NAV1: variants seen among roughly 807,000 people sequenced by gnomAD.
NAV1 encodes the protein neuron navigator 1.
NAV1 carries 18 observed loss-of-function variants against 175.2 expected under a neutral mutation model. The observed-to-expected ratio is 0.10, with a 90% confidence interval of 0.07 to 0.15. The LOEUF (loss-of-function observed/expected upper bound fraction) is 0.15. NAV1 is among the 10% of genes least tolerant of loss of function. The pLI, the probability that NAV1 is intolerant of heterozygous loss-of-function variation, is 1.00. For synonymous variants in NAV1, 897 were observed against 978.7 expected (o/e 0.92, Z 1.56); for missense variants, 1,731 against 2,436.6 (o/e 0.71, Z 6.10).
intron 1 of NAV1, among the ~76,000 whole-genome samples, chr1:201,624,468 C>A (rs970541084): frequency 6.6e-6 from 1 of 151,248 alleles, no homozygotes; most frequent in East Asian, 2.0e-4. Context: ...CTCAGCCTCC[C>A]AAGTAGCTGG....
intron 2 of NAV1, among the ~76,000 whole-genome samples, chr1:201,641,310 T>C (rs1225394291): frequency 2.0e-5 from 3 of 152,132 alleles, no homozygotes; most frequent in African/African-American, 4.8e-5. Context: ...CACCATCATC[T>C]CTCACTTGGG....
chr1:201,576,002 T>C lies in NAV1; in HGVS notation c.-143-12537T>C, dbSNP rs115889860. The stretch of plus-strand genomic sequence containing the variant: ...TGTAAGAAACACCACAAAGGGATCC[T>C]GGATACCCTTTACCCAGCTTCCCCC... On this transcript the variant is annotated intron_variant, in intron 1 of 33. Transcript: ENST00000685211. Among the ~76,000 whole-genome samples the C allele has an allele frequency of 2.1e-3, 321 of 152,358 alleles. 3 individuals carry two copies. Among genetic ancestry groups the C allele is most frequent in the African/African-American group, 7.6e-3 (315 of 41,588 alleles).
At chr1:201,727,462 A>G (rs1258091838) in intron 3 of NAV1, among the ~76,000 whole-genome samples, 1 of 152,222 alleles carries the variant, frequency 6.6e-6, no homozygotes, top group Non-Finnish European at 1.5e-5. Flanking sequence ...CTTATTGTGC[A>G]GATAGCTAAG....
At chr1:201,600,948 A>G (rs1010683184) in intron 2 of NAV1, among the ~76,000 whole-genome samples, 1 of 152,112 alleles carries the variant, frequency 6.6e-6, no homozygotes, top group Non-Finnish European at 1.5e-5. Flanking sequence ...CTGTTCAGTA[A>G]ACCTGCTGTT....
At chr1:201,710,078 T>C (rs1671832806) in intron 1 of NAV1, among the ~76,000 whole-genome samples, 1 of 151,788 alleles carries the variant, frequency 6.6e-6, no homozygotes, top group Non-Finnish European at 1.5e-5. Flanking sequence ...TAGATGTCTA[T>C]GACTCCCATC....
At chr1:201,682,963 G>T (rs529757534) in intron 1 of NAV1, among the ~76,000 whole-genome samples, 5 of 152,136 alleles carry the variant, frequency 3.3e-5, no homozygotes, top group Non-Finnish European at 7.4e-5. Flanking sequence ...TACCTTTACT[G>T]CAATTAATGA....
At chr1:201,818,689 T>C (rs973677444) in intron 29 of NAV1, among the ~76,000 whole-genome samples, 2 of 152,304 alleles carry the variant, frequency 1.3e-5, no homozygotes, top group South Asian at 2.1e-4. Context: ...TATGGAAGCA[T>C]AGACTTTTAT....
chr1:201,647,483 A>G (rs1387290404), upstream of NAV1, among the ~76,000 whole-genome samples: 2 of 152,202 alleles, frequency 1.3e-5, no homozygotes, highest in African/African-American at 2.4e-5. Context: ...ACTATAAAAG[A>G]AAACAGAACC....
intron 1 of NAV1, among the ~76,000 whole-genome samples, chr1:201,669,829 C>T (rs1184778085): frequency 6.6e-6 from 1 of 152,038 alleles, no homozygotes; most frequent in East Asian, 1.9e-4. Context: ...GAAGAACTGA[C>T]CAGGGATTCC....
upstream of NAV1, among the ~76,000 whole-genome samples, chr1:201,644,370 C>CAG (rs1668906623): frequency 1.3e-5 from 2 of 152,194 alleles, no homozygotes; most frequent in Non-Finnish European, 2.9e-5. Flanking sequence ...TCAACTGATG[C>CAG]TGGAATGGCT....
At chr1:201,553,384 C>A (rs1418795901) in intron 1 of NAV1, among the ~76,000 whole-genome samples, 1 of 152,226 alleles carries the variant, frequency 6.6e-6, no homozygotes, top group Non-Finnish European at 1.5e-5. Flanking sequence ...GAGGAGTGAA[C>A]AGAGCTTGAG....
intron 4 of NAV1, among the ~76,000 whole-genome samples, chr1:201,780,784 A>G (rs537068087): frequency 7.9e-5 from 12 of 151,486 alleles, no homozygotes; most frequent in Non-Finnish European, 1.3e-4. Flanking sequence ...TAGTGCCTAC[A>G]CCAATCTAGA....
At chr1:201,665,805 G>A (rs1488205067) in intron 1 of NAV1, among the ~76,000 whole-genome samples, 2 of 151,502 alleles carry the variant, frequency 1.3e-5, no homozygotes, top group Admixed American at 1.3e-4. Flanking sequence ...GCTGCTTGGA[G>A]TTTTTCTACC....
intron 1 of NAV1, among the ~76,000 whole-genome samples, chr1:201,581,700 G>A (rs1666867529): frequency 6.6e-6 from 1 of 151,780 alleles, no homozygotes; most frequent in African/African-American, 2.4e-5. Context: ...GTCGTGGTGG[G>A]CGCCTGTTAT....
In NAV1 at chr1:201,814,798, G is replaced by A. The variant is rs921986479; in HGVS notation, c.5340+1540G>A. Among the ~76,000 whole-genome samples, 62 of 152,160 alleles carry A rather than the reference G, an allele frequency of 4.1e-4. 2 individuals carry two copies. Among genetic ancestry groups the A allele is most frequent in the Admixed American group, 3.0e-3 (46 of 15,284 alleles). On this transcript the variant is annotated intron_variant, in intron 28 of 29. Transcript: ENST00000367296. ...CTCACGCCTGTAATCCCAGCACTTT[G>A]GGAGGCCAAGGCAGGCGGATCACAA...
chr1:201,670,915 G>A (rs1202837824), intron 1 of NAV1, among the ~76,000 whole-genome samples: 5 of 152,102 alleles, frequency 3.3e-5, no homozygotes, highest in Non-Finnish European at 7.4e-5. Context: ...GATGATGGCA[G>A]CAATGATGGT....
chr1:201,803,584 T>C lies in NAV1; in HGVS notation c.3518-9T>C, dbSNP rs1678076690. 1.2e-6 allele frequency: 2 copies of C among 1,612,572 alleles called. No homozygotes were observed. The highest frequency in any genetic ancestry group is 1.7e-4 in the Middle Eastern group (1 of 6,048). ...GTTCTATGTTTTTCCCACTTGTACT[T>C]GGCCCTAGAACTTCGGATCAAGAGA... On this transcript the variant is annotated splice_polypyrimidine_tract_variant and intron_variant, in intron 15 of 29. Transcript: ENST00000367296.
At chr1:201,730,107 T>C (rs1308891774) in intron 3 of NAV1, among the ~76,000 whole-genome samples, 1 of 152,186 alleles carries the variant, frequency 6.6e-6, no homozygotes, top group African/African-American at 2.4e-5. Context: ...CTTTCCTGAT[T>C]CATCACACTG....
intron 1 of NAV1, among the ~76,000 whole-genome samples, chr1:201,689,242 T>G (rs1670802108): frequency 6.6e-6 from 1 of 152,348 alleles, no homozygotes; most frequent in Middle Eastern, 3.4e-3. Context: ...TTCCAACTTT[T>G]ACTGCACAAA....
Sources: gnomAD v4.1 joint callset for allele counts (sites outside exome capture counted in the v4.1 genomes callset) on GRCh38, gnomAD v4.1.1 for gene constraint, MANE v1.5 for transcripts, NCBI Gene and HGNC (gene_info 2026-07-23, HGNC 2026-07-21) for gene names.